Variants in CENPE observed in about 807,000 individuals in gnomAD.
CENPE encodes centromere protein E.
In CENPE, 145 loss-of-function variants were observed where a neutral mutation model predicts 336.1. That is an observed-to-expected ratio of 0.43 (90% CI 0.38 to 0.50). The LOEUF is 0.50. CENPE is among the 20% of genes least tolerant of loss of function. CENPE has a pLI of 0.00. For missense variants in CENPE, 2,719 were observed against 3,023.3 expected, an observed-to-expected ratio of 0.90 and a Z score of 2.36; for synonymous variants, 1,013 against 984.8, an observed-to-expected ratio of 1.03 and a Z score of -0.54.
At chr4:103,128,677 A>G (rs946848796) in intron 42 of CENPE, among the ~76,000 whole-genome samples, 13 of 152,210 alleles carry the variant, frequency 8.5e-5, no homozygotes, top group African/African-American at 3.1e-4. Flanking sequence ...TTTTGAACTC[A>G]ATGAAAATGA....
At chr4:103,130,657 T>C (rs1751503381) in intron 42 of CENPE, among the ~76,000 whole-genome samples, 1 of 152,024 alleles carries the variant, frequency 6.6e-6, no homozygotes, top group South Asian at 2.1e-4. Flanking sequence ...ACAAACTAAT[T>C]CCAAAGTTTA....
intron 16 of CENPE, among the ~76,000 whole-genome samples, chr4:103,172,685 T>C (rs898832325): frequency 2.0e-5 from 3 of 152,006 alleles, no homozygotes; most frequent in African/African-American, 7.2e-5. Flanking sequence ...TGATCCTATA[T>C]ACAGAAAACC....
Position 103,195,223 on chromosome 4 carries a change from C to G in CENPE, c.368G>C (p.Arg123Thr). ...IFQKIKKFPDREFLLRVSYME... is the reference protein window; with the variant it reads ...IFQKIKKFPDTEFLLRVSYME... ...GTAAGATACACGTAAGAGAAATTCC[C>G]TATCAGGAAACTAGAAGAAAAAAAA... The change falls in exon 5 of 49, where the codon AGG (arginine) becomes ACG (threonine). Residue 123 changes from arginine (R) to threonine (T), a missense_variant. Coordinates refer to ENST00000265148, the MANE Select transcript of CENPE (RefSeq NM_001813.3). 1 of 1,571,756 alleles carries G rather than the reference C, an allele frequency of 6.4e-7. No individual in the cohort carries two copies. Among genetic ancestry groups the G allele is most frequent in the Non-Finnish European group, 8.6e-7 (1 of 1,166,850 alleles).
intron 8 of CENPE, among the ~76,000 whole-genome samples, chr4:103,190,761 A>G (rs1757237436): frequency 6.6e-6 from 1 of 152,212 alleles, no homozygotes; most frequent in African/African-American, 2.4e-5. Flanking sequence ...AAACACCAAA[A>G]GCAATGACAA....
rs1212972148 is a variant in CENPE, at chr4:103,145,630, G to T, written c.4465C>A (p.Gln1489Lys). 2.5e-6 allele frequency: 4 copies of T among 1,607,716 alleles called. No homozygotes were observed. The highest frequency in any genetic ancestry group is 3.4e-6 in the Non-Finnish European group (4 of 1,178,232). The stretch of plus-strand genomic sequence containing the variant: ...CTTAACTCATTAATAGTTTCCTCTT[G>T]TTCTTTCAGGCAACAATGAGCAACT... ...LKVAHCCLKE[Q>K]EETINELRVN... Residue 1489 changes from glutamine (Q) to lysine (K), a missense_variant, in exon 31 of 49, where the codon CAA becomes AAA. Physicochemically the swap from Gln to Lys is moderately conservative, Grantham distance 53. Around this residue, in one of 5 missense-constraint regions of CENPE, gnomAD observed 2,437 missense variants for 2,513.3 expected, o/e 0.97. Transcript: ENST00000265148.
At chr4:103,141,948 T>C (rs750026934) in intron 34 of CENPE, 40 bp from the exon 35 acceptor site, 2 of 1,218,946 alleles carry the variant, frequency 1.6e-6, no homozygotes, top group African/African-American at 3.1e-5. Context: ...TGACATATCT[T>C]AATATTAGTT....
chr4:103,141,961 T>TA (rs1752601816), intron 34 of CENPE, 53 bp from the exon 35 acceptor site: 32 of 1,113,150 alleles, frequency 2.9e-5, no homozygotes, highest in Middle Eastern at 2.6e-4. Flanking sequence ...TATTAGTTTT[T>TA]AAAAAATAAA....
intron 16 of CENPE, among the ~76,000 whole-genome samples, chr4:103,170,824 G>T (rs1328480446): frequency 6.6e-6 from 1 of 152,084 alleles, no homozygotes; most frequent in Non-Finnish European, 1.5e-5. Flanking sequence ...CAAATAGATG[G>T]AAAGGAAGGG....
chr4:103,147,688 T>C, intron 28 of CENPE, 42 bp from the exon 29 acceptor site: 2 of 1,548,576 alleles, frequency 1.3e-6, no homozygotes, highest in Non-Finnish European at 1.7e-6. Context: ...ATCAGGAGAT[T>C]ATGATCATAA....
At chr4:103,116,435 TG>T (rs1260374824) in intron 45 of CENPE, 141 bp downstream of exon 45, 5 of 485,108 alleles carry the variant, frequency 1.0e-5, no homozygotes, top group Non-Finnish European at 1.5e-5. Flanking sequence ...TTAAAATCTA[TG>T]GATGTGTACA....
intron 44 of CENPE, among the ~76,000 whole-genome samples, chr4:103,119,542 T>C (rs546248010): frequency 6.6e-6 from 1 of 152,354 alleles, no homozygotes; most frequent in East Asian, 1.9e-4. Flanking sequence ...CAGGCATTCT[T>C]GACGTGTTCC....
At chr4:103,111,984 G>A (rs1319474023) in intron 46 of CENPE, among the ~76,000 whole-genome samples, 1 of 151,638 alleles carries the variant, frequency 6.6e-6, no homozygotes, top group African/African-American at 2.4e-5. Context: ...GTGTGTGCGT[G>A]TGCATGTATA....
chr4:103,118,673 A>C (rs189332274), intron 44 of CENPE, among the ~76,000 whole-genome samples: 2 of 152,248 alleles, frequency 1.3e-5, no homozygotes, highest in East Asian at 3.9e-4. Flanking sequence ...TTTTACATGT[A>C]TGCCTATGAT....
chr4:103,151,618 T>C (rs542952041), intron 25 of CENPE, among the ~76,000 whole-genome samples: 1 of 152,348 alleles, frequency 6.6e-6, no homozygotes, highest in Admixed American at 6.5e-5. Flanking sequence ...GAATTGCATT[T>C]AACATTCTAT....
intron 42 of CENPE, among the ~76,000 whole-genome samples, chr4:103,127,087 G>A (rs1166308902): frequency 2.1e-5 from 3 of 144,780 alleles, no homozygotes; most frequent in Admixed American, 1.4e-4. Context: ...AATGCTAAAC[G>A]GGACAAATAT....
chr4:103,125,779 C>T (rs747535687), intron 42 of CENPE, among the ~76,000 whole-genome samples: 26 of 149,358 alleles, frequency 1.7e-4, no homozygotes, highest in African/African-American at 5.7e-4. Context: ...GCAAGAGAAT[C>T]GCTTGAACCC....
At chr4:103,189,495 A>G (rs924396440) in intron 8 of CENPE, among the ~76,000 whole-genome samples, 2 of 152,244 alleles carry the variant, frequency 1.3e-5, no homozygotes, top group African/African-American at 4.8e-5. Context: ...ACATACAAAA[A>G]TCAATAAACG....
intron 14 of CENPE, 96 bp downstream of exon 14, chr4:103,176,803 A>G (rs1755907842): frequency 3.3e-6 from 3 of 917,260 alleles, no homozygotes. Flanking sequence ...ACAGTATTTA[A>G]ACATGTTTAT....
At chr4:103,165,362 T>G (rs1754815012) in intron 16 of CENPE, among the ~76,000 whole-genome samples, 4 of 152,226 alleles carry the variant, frequency 2.6e-5, no homozygotes, top group Non-Finnish European at 5.9e-5. Context: ...AGTATGGTGA[T>G]ACTTGACATT....
Sources: allele counts gnomAD v4.1 joint callset (sites outside exome capture counted in the v4.1 genomes callset), GRCh38; gene constraint gnomAD v4.1.1; regional missense constraint gnomAD v4.1.1; transcripts MANE v1.5; gene names NCBI Gene and HGNC (gene_info 2026-07-23, HGNC 2026-07-21).